The following CAMKMT variants were observed in gnomAD, a reference collection of about 807,000 sequenced individuals.
The protein encoded by CAMKMT is CaM KMT.
CAMKMT carries 53 observed loss-of-function variants against 48.0 expected under a neutral mutation model. The observed-to-expected ratio is 1.10, with a 90% CI of 0.89 to 1.39. The LOEUF (loss-of-function observed/expected upper bound fraction) is 1.39, where lower values mean the gene tolerates loss of function less well. Among genes scored for constraint, CAMKMT ranks in the 40% most tolerant of loss-of-function variants. The pLI is 0.00. For synonymous variants in CAMKMT, 165 were observed against 152.3 expected, an observed-to-expected ratio of 1.08 and a Z score of -0.61; for missense variants, 428 against 402.7, an observed-to-expected ratio of 1.06 and a Z score of -0.54.
intron 3 of CAMKMT, among the ~76,000 whole-genome samples, chr2:44,576,523 C>T (rs76580189): frequency 0.013 from 1,942 of 152,154 alleles, 36 homozygotes; most frequent in African/African-American, 0.044. Flanking sequence ...ACAAGTCTTC[C>T]TGGTGGAGAA....
intron 3 of CAMKMT, among the ~76,000 whole-genome samples, chr2:44,427,259 G>A (rs960602478): frequency 6.6e-6 from 1 of 152,102 alleles, no homozygotes; most frequent in Non-Finnish European, 1.5e-5. Context: ...GGCAAATAAT[G>A]TACGACCAAG....
intron 3 of CAMKMT, among the ~76,000 whole-genome samples, chr2:44,694,940 C>G (rs567217170): frequency 2.4e-4 from 36 of 152,264 alleles, no homozygotes; most frequent in African/African-American, 8.2e-4. Flanking sequence ...TTGATTTATA[C>G]AGAAAGCACT....
intron 9 of CAMKMT, among the ~76,000 whole-genome samples, chr2:44,763,255 A>G (rs1680691708): frequency 6.6e-6 from 1 of 152,198 alleles, no homozygotes; most frequent in African/African-American, 2.4e-5. Flanking sequence ...AGAGATTAAA[A>G]CTACTGCCCA....
chr2:44,656,043 A>G (rs1030003000), intron 3 of CAMKMT, among the ~76,000 whole-genome samples: 2 of 152,226 alleles, frequency 1.3e-5, no homozygotes, highest in African/African-American at 2.4e-5. Context: ...TTTAAGTGAT[A>G]TTATGGAGAA....
chr2:44,420,486 T>G (rs1220615003), intron 3 of CAMKMT, among the ~76,000 whole-genome samples: 1 of 152,140 alleles, frequency 6.6e-6, no homozygotes, highest in Non-Finnish European at 1.5e-5. Context: ...TTAATAAACC[T>G]ACAGTTGACT....
chr2:44,509,550 A>G, intron 3 of CAMKMT, among the ~76,000 whole-genome samples: 1 of 152,066 alleles, frequency 6.6e-6, no homozygotes, highest in Non-Finnish European at 1.5e-5. Context: ...AGCTCAAGCA[A>G]TCTTCCCACC....
chr2:44,525,486 C>A (rs1459423078), intron 3 of CAMKMT, among the ~76,000 whole-genome samples: 4 of 152,134 alleles, frequency 2.6e-5, no homozygotes, highest in African/African-American at 9.7e-5. Context: ...GATCTCCTGA[C>A]CTCGTGATCC....
rs1668635448 is a variant in CAMKMT, at chr2:44,475,383, T to G, written c.376+85078T>G. ...CCCAGGCTGGAGTGCAGTGGCGTCA[T>G]CTTGGCTCATTGCAACCTCCGCCTC... On this transcript the variant is annotated intron_variant, in intron 3 of 10. Coordinates refer to ENST00000378494, the MANE Select transcript of CAMKMT (RefSeq NM_024766.5). Among the ~76,000 whole-genome samples, 5 of 151,890 alleles carry G rather than the reference T, an allele frequency of 3.3e-5. No homozygotes were observed. The South Asian group carries it at 1.0e-3, about 32-fold the overall frequency.
chr2:44,409,032 G>A (rs1682979065), intron 3 of CAMKMT, among the ~76,000 whole-genome samples: 5 of 150,152 alleles, frequency 3.3e-5, no homozygotes, highest in African/African-American at 7.3e-5. Context: ...ATGAGCCACC[G>A]CACCCAGCCT....
chr2:44,767,086 T>C (rs1397111061), intron 10 of CAMKMT, among the ~76,000 whole-genome samples: 1 of 152,200 alleles, frequency 6.6e-6, no homozygotes, highest in African/African-American at 2.4e-5. Context: ...AAGATTTAGG[T>C]CAAAAGCACT....
chr2:44,376,819 C>A (rs560298311), intron 2 of CAMKMT, among the ~76,000 whole-genome samples: 102 of 152,284 alleles, frequency 6.7e-4, no homozygotes, highest in African/African-American at 8.9e-4. Context: ...AGTGACTTTT[C>A]ATCTGAAGCT....
intron 8 of CAMKMT, among the ~76,000 whole-genome samples, chr2:44,749,776 C>T (rs867371762): frequency 3.3e-5 from 5 of 152,176 alleles, no homozygotes; most frequent in Admixed American, 6.5e-5. Context: ...TACAGCTCCA[C>T]GCAACAGCCC....
intron 3 of CAMKMT, among the ~76,000 whole-genome samples, chr2:44,466,909 A>G (rs1387036159): frequency 6.6e-6 from 1 of 152,194 alleles, no homozygotes; most frequent in African/African-American, 2.4e-5. Context: ...TAACCTAGAA[A>G]TGGATAAATT....
chr2:44,739,479 A>G (rs992270701), intron 7 of CAMKMT, among the ~76,000 whole-genome samples: 9 of 152,230 alleles, frequency 5.9e-5, no homozygotes, highest in Non-Finnish European at 1.0e-4. Context: ...AGTGAGTTTT[A>G]GGGAAAATGA....
chr2:44,722,176 CTT>C (rs11323950), intron 7 of CAMKMT, among the ~76,000 whole-genome samples: 3,262 of 115,506 alleles, frequency 0.028, 46 homozygotes, highest in Middle Eastern at 0.057. Flanking sequence ...TTTCTTTTTT[CTT>C]TTTTTTTTTT....
At chr2:44,433,911 T>C (rs181759222) in intron 3 of CAMKMT, among the ~76,000 whole-genome samples, 4 of 152,262 alleles carry the variant, frequency 2.6e-5, no homozygotes, top group African/African-American at 9.6e-5. Context: ...ATCTGTCTGG[T>C]GGTGTGTCTG....
intron 3 of CAMKMT, among the ~76,000 whole-genome samples, chr2:44,419,796 A>G (rs1263748942): frequency 1.3e-5 from 2 of 152,114 alleles, no homozygotes; most frequent in Admixed American, 1.3e-4. Context: ...ATTCAAAGCT[A>G]TTGTGCACAA....
chr2:44,601,074 A>C (rs1670957946), intron 3 of CAMKMT, among the ~76,000 whole-genome samples: 1 of 152,232 alleles, frequency 6.6e-6, no homozygotes. Context: ...GATACTTTTT[A>C]GTTGATACAT....
chr2:44,652,587 G>A (rs1674139229), intron 3 of CAMKMT, among the ~76,000 whole-genome samples: 1 of 152,156 alleles, frequency 6.6e-6, no homozygotes, highest in Non-Finnish European at 1.5e-5. Context: ...GGGTGGTAGT[G>A]CATCTCACCA....
Sources: allele counts gnomAD v4.1 joint callset (sites outside exome capture counted in the v4.1 genomes callset), GRCh38; gene constraint gnomAD v4.1.1; transcripts MANE v1.5; gene names NCBI Gene and HGNC (gene_info 2026-07-23, HGNC 2026-07-21).